CAPS2: variants seen among roughly 807,000 people sequenced by gnomAD.
The protein encoded by CAPS2 is calcyphosin-2.
A neutral mutation model predicts 86.5 loss-of-function variants in CAPS2; 98 were observed. The ratio of observed to expected loss-of-function variants is 1.13; its 90% CI spans 0.96 to 1.34. CAPS2 has a LOEUF of 1.34. CAPS2 is among the 40% of genes most tolerant of loss of function. The probability of loss-of-function intolerance (pLI) is 0.00; values close to 1 mark genes in which losing one functional copy is unlikely to be tolerated. For synonymous variants in CAPS2, 210 were observed against 225.1 expected (o/e 0.93, Z 0.60); for missense variants, 729 against 686.8 (o/e 1.06, Z -0.69).
At chr12:75,374,486 G>A (rs11609418) in intron 1 of CAPS2, among the ~76,000 whole-genome samples, 1 of 152,198 alleles carries the variant, frequency 6.6e-6, no homozygotes. Context: ...CACTGAAGTA[G>A]AAGGTCCCTG....
At chr12:75,277,202 T>C (rs924087320), downstream of CAPS2, 3 of 920,120 alleles carry the variant, frequency 3.3e-6, no homozygotes, top group Non-Finnish European at 3.7e-6. Flanking sequence ...ATTCCAAAAG[T>C]AGCTTCCCTT....
chr12:75,278,239 A>G (rs2033253070), exon 17 of CAPS2: 1 of 982,872 alleles, frequency 1.0e-6, no homozygotes, highest in Non-Finnish European at 1.2e-6. Flanking sequence ...TTAACCAACA[A>G]CAGTACATAA....
intron 1 of CAPS2, chr12:75,344,055 T>G (rs2042292525): frequency 1.3e-6 from 1 of 796,046 alleles, no homozygotes; most frequent in Admixed American, 3.0e-5. Context: ...CATTTTTTCC[T>G]TTATCATAGG....
chr12:75,346,773 AACAATTGAT>A (rs1172459329), intron 1 of CAPS2, among the ~76,000 whole-genome samples: 2 of 152,204 alleles, frequency 1.3e-5, no homozygotes, highest in African/African-American at 4.8e-5. Context: ...GGCTATAGAA[AACAATTGAT>A]ACATCAATTT....
At chr12:75,300,371 C>T (rs1226440791) in intron 8 of CAPS2, among the ~76,000 whole-genome samples, 2 of 151,584 alleles carry the variant, frequency 1.3e-5, no homozygotes, top group East Asian at 2.0e-4. Context: ...CTGGCTAACA[C>T]GGTGAAACCC....
In CAPS2 at chr12:75,347,715, G is replaced by A. The variant is rs146026558; in HGVS notation, c.-394-24493C>T. 44 of 1,582,618 alleles carry A rather than the reference G, an allele frequency of 2.8e-5. No homozygotes were observed. In the African/African-American group the frequency reaches 3.6e-4, roughly 13 times the overall value. On this transcript the variant is annotated intron_variant, in intron 1 of 5. Coordinates refer to the CAPS2 transcript ENST00000551829. ...AACTGCAATATTTGTATGCAACTACGGACCTGCGTGAGTTATTTTCTCTTA... is the reference window on the plus strand; with the variant it reads ...AACTGCAATATTTGTATGCAACTACAGACCTGCGTGAGTTATTTTCTCTTA...
At chr12:75,277,850 A>C (rs2033190706) in exon 17 of CAPS2, 2 of 904,502 alleles carry the variant, frequency 2.2e-6, no homozygotes, top group African/African-American at 3.6e-5. Flanking sequence ...CTGTATTCCC[A>C]GGAAGAAATG....
At chr12:75,281,270 C>T (rs949431967) in intron 16 of CAPS2, among the ~76,000 whole-genome samples, 2 of 151,808 alleles carry the variant, frequency 1.3e-5, no homozygotes, top group African/African-American at 2.4e-5. Flanking sequence ...ATTAATATCA[C>T]TCCAGGGAAG....
chr12:75,291,369 A>G (rs886678931), intron 13 of CAPS2, among the ~76,000 whole-genome samples: 6 of 150,370 alleles, frequency 4.0e-5, no homozygotes, highest in African/African-American at 1.2e-4. Flanking sequence ...AGTAAAACCC[A>G]TATTATCTAG....
intron 1 of CAPS2, among the ~76,000 whole-genome samples, chr12:75,338,462 G>C (rs2041880668): frequency 6.6e-6 from 1 of 151,964 alleles, no homozygotes; most frequent in South Asian, 2.1e-4. Context: ...TCTCAATAGA[G>C]TCATGAAAAC....
intron 1 of CAPS2, among the ~76,000 whole-genome samples, chr12:75,388,952 A>T (rs1369058005): frequency 2.6e-5 from 4 of 152,178 alleles, no homozygotes; most frequent in East Asian, 3.9e-4. Context: ...AACTGCTATT[A>T]AAAAAGAGTC....
intron 5 of CAPS2, 79 bp from the exon 6 acceptor site, chr12:75,316,513 C>T: frequency 8.0e-7 from 1 of 1,250,450 alleles, no homozygotes; most frequent in Non-Finnish European, 1.1e-6. Flanking sequence ...GAATAGATAA[C>T]TACGGAATAT....
intron 1 of CAPS2, among the ~76,000 whole-genome samples, chr12:75,364,555 A>G (rs2043836944): frequency 6.6e-6 from 1 of 152,234 alleles, no homozygotes; most frequent in South Asian, 2.1e-4. Flanking sequence ...ATAGACAGGC[A>G]TTCATTAACT....
At chr12:75,299,134 A>AT (rs1322977884) in intron 9 of CAPS2, among the ~76,000 whole-genome samples, 168 bp from the exon 10 acceptor site, 3 of 152,236 alleles carry the variant, frequency 2.0e-5, no homozygotes, top group African/African-American at 7.2e-5. Context: ...GCTTGCTGAA[A>AT]TGTCCACTAA....
intron 1 of CAPS2, among the ~76,000 whole-genome samples, chr12:75,386,482 T>C (rs959964838): frequency 4.6e-5 from 7 of 152,112 alleles, no homozygotes; most frequent in Admixed American, 2.0e-4. Flanking sequence ...GGAGCTGAAC[T>C]CACTCTTTTA....
At chr12:75,333,159 TTTC>T (rs2041451033), upstream of CAPS2, among the ~76,000 whole-genome samples, 1 of 152,204 alleles carries the variant, frequency 6.6e-6, no homozygotes, top group Admixed American at 6.5e-5. Flanking sequence ...AAAAGTTCTC[TTTC>T]TCTTTGTATA....
At chr12:75,276,826 C>A (rs2033017476), downstream of CAPS2, 4 of 927,818 alleles carry the variant, frequency 4.3e-6, no homozygotes, top group South Asian at 2.0e-4. Context: ...ATTCATGTAA[C>A]AGCATTACAA....
upstream of CAPS2, among the ~76,000 whole-genome samples, chr12:75,327,365 T>C (rs2139103363): frequency 6.6e-6 from 1 of 152,298 alleles, no homozygotes; most frequent in Non-Finnish European, 1.5e-5. Flanking sequence ...AATAATGTGG[T>C]GATTGGTAAA....
chr12:75,279,123 T>A, intron 16 of CAPS2, 58 bp from the exon 17 acceptor site: 1 of 1,337,696 alleles, frequency 7.5e-7, no homozygotes, highest in African/African-American at 1.5e-5. Context: ...AAATGACTGA[T>A]GATGATAAAG....
Sources: gnomAD v4.1 joint callset for allele counts (sites outside exome capture counted in the v4.1 genomes callset) on GRCh38, gnomAD v4.1.1 for gene constraint, MANE v1.5 for transcripts, NCBI Gene and HGNC (gene_info 2026-07-23, HGNC 2026-07-21) for gene names.